KCNIP4: variants seen among roughly 807,000 people sequenced by gnomAD.
KCNIP4 encodes the protein Kv channel-interacting protein 4.
Under a neutral mutation model 34.0 loss-of-function variants are expected in KCNIP4, and 12 were observed. That is an observed-to-expected ratio of 0.35 (90% confidence interval 0.23 to 0.57). The LOEUF (loss-of-function observed/expected upper bound fraction) is 0.57. Among genes scored for constraint, KCNIP4 ranks in the 20% least tolerant of loss-of-function variants. The probability of loss-of-function intolerance (pLI) is 0.83; values close to 1 mark genes in which losing one functional copy is unlikely to be tolerated. For synonymous variants in KCNIP4, 124 were observed against 102.2 expected (o/e 1.21, Z -1.29); for missense variants, 238 against 311.7 (o/e 0.76, Z 1.78).
intron 2 of KCNIP4, among the ~76,000 whole-genome samples, chr4:20,864,101 T>A (rs181253696): frequency 7.9e-6 from 1 of 125,988 alleles, no homozygotes; most frequent in African/African-American, 2.7e-5. Flanking sequence ...CATGTATACG[T>A]ATGTATGTAT....
chr4:21,863,497 C>T (rs1358923837), intron 1 of KCNIP4, among the ~76,000 whole-genome samples: 11 of 151,928 alleles, frequency 7.2e-5, no homozygotes, highest in Admixed American at 2.6e-4. Flanking sequence ...AGTGCCCTGC[C>T]GCTATTTTTG....
intron 3 of KCNIP4, among the ~76,000 whole-genome samples, chr4:20,809,714 T>A (rs1405518400): frequency 6.6e-6 from 1 of 152,220 alleles, no homozygotes; most frequent in African/African-American, 2.4e-5. Context: ...ATAAACTTAC[T>A]CTCTTGTAAT....
intron 1 of KCNIP4, among the ~76,000 whole-genome samples, chr4:21,764,880 T>G (rs747711136): frequency 1.1e-4 from 16 of 152,016 alleles, no homozygotes; most frequent in Admixed American, 2.6e-4. Context: ...AAGAGAGGTG[T>G]TTGAAGAGTC....
At chr4:21,469,481 T>C (rs1344097001) in intron 1 of KCNIP4, among the ~76,000 whole-genome samples, 2 of 152,230 alleles carry the variant, frequency 1.3e-5, no homozygotes, top group African/African-American at 2.4e-5. Context: ...AAATATACTA[T>C]GAAATAATAT....
intron 1 of KCNIP4, among the ~76,000 whole-genome samples, chr4:21,448,144 G>A (rs1004416465): frequency 1.3e-5 from 2 of 152,084 alleles, no homozygotes; most frequent in African/African-American, 4.8e-5. Flanking sequence ...GAAGCATTTT[G>A]AGAAGCATGA....
At chr4:21,921,139 G>A (rs1260830635) in intron 1 of KCNIP4, among the ~76,000 whole-genome samples, 1 of 151,728 alleles carries the variant, frequency 6.6e-6, no homozygotes, top group Non-Finnish European at 1.5e-5. Context: ...TTTATTTAAT[G>A]GTTTGTTTCT....
intron 1 of KCNIP4, among the ~76,000 whole-genome samples, chr4:21,172,023 G>GTTGTT (rs1042356207): frequency 2.3e-4 from 35 of 152,132 alleles, no homozygotes; most frequent in East Asian, 7.7e-4. Context: ...CTATTCTGAT[G>GTTGTT]TTGTTTTGTT....
At chr4:21,584,018 A>G (rs1254662621) in intron 1 of KCNIP4, among the ~76,000 whole-genome samples, 1 of 151,998 alleles carries the variant, frequency 6.6e-6, no homozygotes, top group Non-Finnish European at 1.5e-5. Context: ...CAATGAACTT[A>G]ATTTGAATAA....
intron 1 of KCNIP4, among the ~76,000 whole-genome samples, chr4:21,188,259 A>C (rs1282945484): frequency 6.6e-6 from 1 of 152,144 alleles, no homozygotes; most frequent in Non-Finnish European, 1.5e-5. Flanking sequence ...GGAGTGAAGG[A>C]TAAACACAGG....
At chr4:21,414,010 A>G (rs1157526907) in intron 1 of KCNIP4, among the ~76,000 whole-genome samples, 2 of 152,148 alleles carry the variant, frequency 1.3e-5, no homozygotes, top group Admixed American at 6.6e-5. Flanking sequence ...TCCTGCGCCT[A>G]CCTGTGTCAG....
chr4:20,901,483 A>T (rs1445218526), intron 1 of KCNIP4, among the ~76,000 whole-genome samples: 1 of 152,206 alleles, frequency 6.6e-6, no homozygotes, highest in Non-Finnish European at 1.5e-5. Flanking sequence ...GAAAAGCATT[A>T]TCTACATGGT....
At chr4:21,807,129 G>A (rs895628495) in intron 1 of KCNIP4, among the ~76,000 whole-genome samples, 1 of 152,042 alleles carries the variant, frequency 6.6e-6, no homozygotes, top group Admixed American at 6.6e-5. Context: ...TCACACTAGG[G>A]TTCATGTGTC....
intron 5 of KCNIP4, among the ~76,000 whole-genome samples, chr4:20,743,190 G>A (rs1751592556): frequency 6.6e-6 from 1 of 152,082 alleles, no homozygotes; most frequent in Non-Finnish European, 1.5e-5. Flanking sequence ...TGGCCATACT[G>A]CCCAAGGTGT....
chr4:20,821,980 A>T (rs1296033380), intron 3 of KCNIP4, among the ~76,000 whole-genome samples: 1 of 152,104 alleles, frequency 6.6e-6, no homozygotes, highest in East Asian at 1.9e-4. Context: ...GCTGCTATAA[A>T]CATGCGTGTG....
At chr4:20,730,169 C>G in intron 8 of KCNIP4, 40 bp from the exon 9 acceptor site, 1 of 1,582,306 alleles carries the variant, frequency 6.3e-7, no homozygotes, top group Non-Finnish European at 8.6e-7. Context: ...TTCAGCATAT[C>G]TGCAAGGAAA....
chr4:21,707,010 C>A (rs960843346), intron 1 of KCNIP4, among the ~76,000 whole-genome samples: 5 of 152,154 alleles, frequency 3.3e-5, no homozygotes, highest in African/African-American at 4.8e-5. Context: ...GAGTAAAGAG[C>A]CTGCCATGAC....
chr4:21,142,105 C>T (rs1241007455), intron 1 of KCNIP4, among the ~76,000 whole-genome samples: 6 of 142,620 alleles, frequency 4.2e-5, no homozygotes, highest in African/African-American at 1.0e-4. Flanking sequence ...GAGCTGAGAT[C>T]GTGCCACTGC....
chr4:21,925,258 GGT>G (rs1729174815), intron 1 of KCNIP4, among the ~76,000 whole-genome samples: 2 of 133,696 alleles, frequency 1.5e-5, no homozygotes. Flanking sequence ...AACAGTCCCT[GGT>G]GTGTGATGTT....
intron 1 of KCNIP4, among the ~76,000 whole-genome samples, chr4:21,326,484 ATGTATCTTTACAGGTGAAGTG>A (rs1435585069): frequency 1.3e-5 from 2 of 149,130 alleles, no homozygotes; most frequent in African/African-American, 2.5e-5. Context: ...TTCAGTCTAT[ATGTATCTTTACAGGTGAAGTG>A]TGTATCTTTA....
Sources: gnomAD v4.1 joint callset for allele counts (sites outside exome capture counted in the v4.1 genomes callset) on GRCh38, gnomAD v4.1.1 for gene constraint, MANE v1.5 for transcripts, NCBI Gene and HGNC (gene_info 2026-07-23, HGNC 2026-07-21) for gene names.